The following SRI variants were observed in gnomAD, a reference collection of about 807,000 sequenced individuals.
SRI encodes sorcin.
SRI carries 30 observed loss-of-function variants against 33.3 expected under a neutral mutation model. That is an observed-to-expected ratio of 0.90 (90% confidence interval 0.67 to 1.22). The LOEUF (loss-of-function observed/expected upper bound fraction) is 1.22. Ranked by LOEUF, SRI falls within the 50% of genes most tolerant of loss-of-function variation. SRI has a pLI of 0.00. For synonymous variants in SRI, 75 were observed against 89.9 expected (o/e 0.83, Z 0.94); for missense variants, 243 against 250.8 (o/e 0.97, Z 0.21).
At chr7:88,226,964 C>T in exon 1 of SRI, 1 of 1,612,730 alleles carries the variant, frequency 6.2e-7, no homozygotes, top group Non-Finnish European at 8.5e-7. Flanking sequence ...AGAGGATTGC[C>T]TTCTTGCAGA....
At chr7:88,217,268 A>G in intron 2 of SRI, 77 bp from the exon 3 acceptor site, 8 of 1,161,532 alleles carry the variant, frequency 6.9e-6, no homozygotes, top group Non-Finnish European at 1.0e-5. Flanking sequence ...TCAATGAAGC[A>G]ATAACAACAA....
chr7:88,215,187 A>C (rs745660533), intron 3 of SRI, among the ~76,000 whole-genome samples: 1 of 152,230 alleles, frequency 6.6e-6, no homozygotes, highest in African/African-American at 2.4e-5. Flanking sequence ...CATAGGCAGG[A>C]TGGTTCTGTG....
rs1851729992 is a variant in SRI at position 88,216,806 on chromosome 7, G to T, written c.205+316C>A. The T allele has an allele frequency of 9.2e-6, 3 of 326,174 alleles. No homozygotes were observed. In the Admixed American group the frequency reaches 1.3e-4, roughly 15 times the overall value. The allele number at this position is 326,174 out of a possible 1,614,324, so 20.2% of individuals were successfully genotyped here. On this transcript the variant is annotated intron_variant, in intron 3 of 7. Transcript: ENST00000265729. ...ATTATTATTTTAAAGACAAGGTCTT[G>T]CTCTGTTGCTCAGGCTGGAGTGCAG...
chr7:88,224,893 T>C (rs917360142), upstream of SRI, among the ~76,000 whole-genome samples: 2 of 152,204 alleles, frequency 1.3e-5, no homozygotes, highest in Non-Finnish European at 2.9e-5. Flanking sequence ...CATATGGCTA[T>C]TGAGCCTGTG....
Position 88,206,306 on chromosome 7 carries a change from T to G in SRI, c.*172A>C, listed in dbSNP as rs1851438125. 1 of 757,232 alleles carries G rather than the reference T, an allele frequency of 1.3e-6. No homozygotes were observed. Among genetic ancestry groups the G allele is most frequent in the Non-Finnish European group, 2.3e-6 (1 of 444,224 alleles). The allele number at this position is 757,232 out of a possible 1,614,324, so 46.9% of individuals were successfully genotyped here. ...AGATCTTATTAAAGTTCCAAAGAAT[T>G]TATTATCAAAACTAAAACAAAACTT... On this transcript the variant is annotated 3_prime_UTR_variant, in exon 8 of 8. Transcript: ENST00000265729.
rs1169733949 is a variant in SRI, at chr7:88,206,639, A to C, written c.571-135T>G. ...CCTACAACTTTCTAAGATATGAGTA[A>C]ATGATAGATGGAAAAGTTTCCTTTT... On this transcript the variant is annotated intron_variant, in intron 7 of 7. Transcript: ENST00000265729. 20 of 909,546 alleles carry C rather than the reference A, an allele frequency of 2.2e-5. 1 individual carries two copies. In the South Asian group the frequency reaches 2.3e-4, roughly 11 times the overall value. 56.3% of individuals were successfully genotyped at this position (909,546 alleles called of 1,614,324 possible). A position where few individuals can be genotyped will look rare whatever the true frequency, so the allele number is the denominator to read the frequency against.
At position 88,205,774 on chromosome 7, in the gene SRI, A is replaced by C. The variant is rs1851427252; in HGVS notation, c.*704T>G. ...AAAAATACTGATATAAAGAAAATTA[A>C]AGTCATCTAGAATTCCATTCATCCA... On this transcript the variant is annotated 3_prime_UTR_variant, in exon 8 of 8. Coordinates refer to ENST00000265729, the MANE Select transcript of SRI (RefSeq NM_003130.4). 6.6e-6 allele frequency: 1 copy of C among 152,302 alleles called. No homozygotes were observed. The highest frequency in any genetic ancestry group is 6.5e-5 in the Admixed American group (1 of 15,282). The allele number at this position is 152,302 out of a possible 1,614,324, so 9.4% of individuals were successfully genotyped here. A position where few individuals can be genotyped will look rare whatever the true frequency, so the allele number is the denominator to read the frequency against.
intron 6 of SRI, 90 bp downstream of exon 6, chr7:88,209,249 G>A (rs749486350): frequency 1.9e-6 from 2 of 1,065,228 alleles, no homozygotes; most frequent in Admixed American, 2.5e-5. Context: ...AAAAATTTGG[G>A]AAGAATAAAA....
At chr7:88,221,325 A>G (rs1239968260), upstream of SRI, among the ~76,000 whole-genome samples, 1 of 152,180 alleles carries the variant, frequency 6.6e-6, no homozygotes. Flanking sequence ...AAAAATTCTA[A>G]TAGTCCCTGT....
upstream of SRI, among the ~76,000 whole-genome samples, chr7:88,223,145 C>T (rs1327388551): frequency 6.6e-6 from 1 of 152,126 alleles, no homozygotes; most frequent in African/African-American, 2.4e-5. Flanking sequence ...AAATTCAATT[C>T]TTACAATTAT....
intron 1 of SRI, among the ~76,000 whole-genome samples, chr7:88,226,092 A>G (rs756666706): frequency 5.3e-5 from 8 of 152,182 alleles, no homozygotes; most frequent in Non-Finnish European, 4.4e-5. Flanking sequence ...CAGGTAGAAA[A>G]TCACCTGTGT....
At chr7:88,218,730 C>CTTTTTTTT in intron 2 of SRI, 129 bp downstream of exon 2, 3 of 782,570 alleles carry the variant, frequency 3.8e-6, no homozygotes, top group Admixed American at 2.6e-5. Context: ...TAAGAAACAA[C>CTTTTTTTT]TTTTTTTTTC....
rs577349302 is a variant in SRI at position 88,206,331 on chromosome 7, T to C, written c.*147A>G. On this transcript the variant is annotated 3_prime_UTR_variant, in exon 8 of 8. Coordinates refer to ENST00000265729, the MANE Select transcript of SRI (RefSeq NM_003130.4). ...TTATTATCAAAACTAAAACAAAACTTCAGTTGTACATAAAGTAATAAACTT... is the reference window on the plus strand; with the variant it reads ...TTATTATCAAAACTAAAACAAAACTCCAGTTGTACATAAAGTAATAAACTT... 2.9e-4 allele frequency: 264 copies of C among 919,078 alleles called. 1 individual carries two copies. Among genetic ancestry groups the C allele is most frequent in the Non-Finnish European group, 4.1e-4 (232 of 566,716 alleles). The allele number at this position is 919,078 out of a possible 1,614,324, so 56.9% of individuals were successfully genotyped here.
Position 88,226,400 on chromosome 7 carries a change from G to A in SRI, c.6+509C>T, listed in dbSNP as rs574263845. Among the ~76,000 whole-genome samples, 3 of 152,206 alleles carry A rather than the reference G, an allele frequency of 2.0e-5. No homozygotes were observed. The South Asian group carries it at 6.2e-4, about 32-fold the overall frequency. ...CCTTTATCCAGCCAATCTTGATGTCGCAAAGTTTACACAGAACCAGAGATA... is the reference window on the plus strand; with the variant it reads ...CCTTTATCCAGCCAATCTTGATGTCACAAAGTTTACACAGAACCAGAGATA... On this transcript the variant is annotated intron_variant, in intron 1 of 7. Transcript: ENST00000394641.
At chr7:88,215,046 G>T in intron 3 of SRI, 1 of 429,922 alleles carries the variant, frequency 2.3e-6, no homozygotes, top group Admixed American at 2.5e-5. Flanking sequence ...AACTGGTTAA[G>T]AAGGGCCCAT....
chr7:88,226,860 T>C (rs1852009992), intron 1 of SRI: 7 of 1,588,444 alleles, frequency 4.4e-6, no homozygotes, highest in Non-Finnish European at 6.0e-6. Context: ...AATTAGAACA[T>C]TGGAGCTGCA....
upstream of SRI, among the ~76,000 whole-genome samples, chr7:88,220,482 G>GT (rs1220349053): frequency 1.2e-4 from 19 of 152,136 alleles, no homozygotes; most frequent in Non-Finnish European, 2.5e-4. Context: ...GGCTGGATGC[G>GT]TTAGGGCAAG....
chr7:88,222,708 T>C (rs965539094), upstream of SRI, among the ~76,000 whole-genome samples: 1 of 152,142 alleles, frequency 6.6e-6, no homozygotes, highest in African/African-American at 2.4e-5. Flanking sequence ...TACCTACAAC[T>C]ATCTGATCTT....
At chr7:88,224,988 A>C (rs1035282674), upstream of SRI, among the ~76,000 whole-genome samples, 6 of 152,188 alleles carry the variant, frequency 3.9e-5, no homozygotes, top group African/African-American at 1.4e-4. Flanking sequence ...CAGCACAGGG[A>C]CCCTTTCATC....
Sources: gnomAD v4.1 joint callset for allele counts (sites outside exome capture counted in the v4.1 genomes callset) on GRCh38, gnomAD v4.1.1 for gene constraint, MANE v1.5 for transcripts, NCBI Gene and HGNC (gene_info 2026-07-23, HGNC 2026-07-21) for gene names.